HMX1: variants seen among roughly 807,000 people sequenced by gnomAD.
The protein encoded by HMX1 is homeobox protein HMX1.
A neutral mutation model predicts 8.9 loss-of-function variants in HMX1; 8 were observed. The observed-to-expected ratio is 0.90, with a 90% CI of 0.53 to 1.63. The LOEUF is 1.63. HMX1 is among the 40% of genes most tolerant of loss of function. The pLI is 0.00. For synonymous variants in HMX1, 311 were observed against 283.4 expected (o/e 1.10, Z -0.98); for missense variants, 621 against 558.5 (o/e 1.11, Z -1.13).
chr4:8,868,237 G>C lies in HMX1; in HGVS notation c.503C>G (p.Ala168Gly). 1.4e-6 allele frequency: 2 copies of C among 1,434,346 alleles called. No homozygotes were observed. Among genetic ancestry groups the C allele is most frequent in the South Asian group, 2.8e-5 (2 of 70,590 alleles). 88.9% of individuals were successfully genotyped at this position (1,434,346 alleles called of 1,614,324 possible). ...GAVQREAAEL[A>G]ARGPAAGTEE... ...CGTGCCGGCCGCCGGGCCACGCGCC[G>C]CCAGCTCCGCTGCCTCCCGCTGCAC... The change falls in exon 2 of 2, where the codon GCG (alanine) becomes GGG (glycine). Residue 168 changes from alanine (A) to glycine (G), a missense_variant. Transcript: ENST00000400677. This position sits in a 1 kb window ranked among gnomAD's most constrained non-coding sequence, Gnocchi z 4.6.
chr4:8,864,060 T>C (rs1406132563), downstream of HMX1, among the ~76,000 whole-genome samples: 1 of 152,128 alleles, frequency 6.6e-6, no homozygotes, highest in Non-Finnish European at 1.5e-5. Context: ...GATTCAGCTT[T>C]TATAGTCCCA....
At position 8,871,015 on chromosome 4, in the gene HMX1, G is replaced by A. The variant is rs374211762; in HGVS notation, c.394+206C>T. ...AAGCTATGGCCTGCAAAACCTCCTC[G>A]TTAGCGGAGCTCCTGCCCCAGAGGG... On this transcript the variant is annotated intron_variant, in intron 1 of 1. Coordinates refer to ENST00000400677, the MANE Select transcript of HMX1 (RefSeq NM_018942.3). The surrounding 1 kb of genome is among the most constrained non-coding windows in gnomAD (Gnocchi z 4.8). Among the ~76,000 whole-genome samples, 1 of 152,088 alleles carries A rather than the reference G, an allele frequency of 6.6e-6. No homozygotes were observed. The highest frequency in any genetic ancestry group is 1.5e-5 in the Non-Finnish European group (1 of 68,024).
Position 8,867,372 on chromosome 4 carries a change from G to T in HMX1, c.*321C>A. 1.9e-6 allele frequency: 2 copies of T among 1,037,470 alleles called. No individual in the cohort carries two copies. The highest frequency in any genetic ancestry group is 2.3e-6 in the Non-Finnish European group (2 of 864,490). The allele number at this position is 1,037,470 out of a possible 1,614,324, so 64.3% of individuals were successfully genotyped here. A position where few individuals can be genotyped will look rare whatever the true frequency, so the allele number is the denominator to read the frequency against. The stretch of plus-strand genomic sequence containing the variant: ...GGCTTGGCCTGAGGGCAGCTGCCCC[G>T]GGTGGCCATGGCCGACCGCTCCTCG... On this transcript the variant is annotated 3_prime_UTR_variant, in exon 2 of 2. Coordinates refer to ENST00000400677, the MANE Select transcript of HMX1 (RefSeq NM_018942.3).
rs770087148 is a variant in HMX1 at position 8,868,657 on chromosome 4, C to G, written c.395-312G>C. Among the ~76,000 whole-genome samples the G allele has an allele frequency of 1.2e-4, 18 of 152,132 alleles. No individual in the cohort carries two copies. The highest frequency in any genetic ancestry group is 4.4e-5 in the Non-Finnish European group (3 of 68,016). ...AGAGCAAAGAAAAGAAACAAAAATA[C>G]TACACAAGAAAAGCAGGCTGACCCC... On this transcript the variant is annotated intron_variant, in intron 1 of 1. Transcript: ENST00000400677. The surrounding 1 kb of genome is among the most constrained non-coding windows in gnomAD (Gnocchi z 4.6).
chr4:8,850,199 A>G (rs1721402737), intron 1 of HMX1, among the ~76,000 whole-genome samples: 1 of 152,010 alleles, frequency 6.6e-6, no homozygotes, highest in African/African-American at 2.4e-5. Context: ...GTTCCCGGAA[A>G]CCCAGGTTCA....
rs1164620897 is a variant in HMX1, at chr4:8,867,807, G to T, written c.933C>A (p.Pro311=). ...TLPFPLAPAA[P]APPPPLLGFS... is the part of the protein sequence containing the mutation. ...AGCCGAGCAGCGGTGGGGGCGGCGCGGGCGCGGCGGGCGCCAGCGGGAAGG... is the reference window on the plus strand; with the variant it reads ...AGCCGAGCAGCGGTGGGGGCGGCGCTGGCGCGGCGGGCGCCAGCGGGAAGG... The change falls in exon 2 of 2, where the codon CCC becomes CCA. Residue 311 remains proline (P), a synonymous_variant. Coordinates refer to ENST00000400677, the MANE Select transcript of HMX1 (RefSeq NM_018942.3). 1 of 1,226,366 alleles carries T rather than the reference G, an allele frequency of 8.2e-7. No homozygotes were observed. The highest frequency in any genetic ancestry group is 1.0e-6 in the Non-Finnish European group (1 of 986,778). 76.0% of individuals were successfully genotyped at this position (1,226,366 alleles called of 1,614,324 possible). A position where few individuals can be genotyped will look rare whatever the true frequency, so the allele number is the denominator to read the frequency against.
chr4:8,864,321 G>C (rs147694264), downstream of HMX1, among the ~76,000 whole-genome samples: 49 of 152,290 alleles, frequency 3.2e-4, no homozygotes, highest in African/African-American at 1.2e-3. Flanking sequence ...AGGATGTCCA[G>C]AGCCCGCTGC....
chr4:8,854,758 C>A (rs1313862460), intron 1 of HMX1, among the ~76,000 whole-genome samples: 1 of 152,216 alleles, frequency 6.6e-6, no homozygotes, highest in East Asian at 1.9e-4. Context: ...TTCCTAAGAA[C>A]AATACGAAGA....
chr4:8,850,265 C>T (rs1164532237), intron 1 of HMX1, among the ~76,000 whole-genome samples: 2 of 152,152 alleles, frequency 1.3e-5, no homozygotes, highest in South Asian at 4.1e-4. Context: ...TGCCCGTGCC[C>T]GCCTGCCTGT....
chr4:8,856,005 C>A (rs1280969118), intron 1 of HMX1, among the ~76,000 whole-genome samples: 1 of 152,148 alleles, frequency 6.6e-6, no homozygotes, highest in Non-Finnish European at 1.5e-5. Flanking sequence ...GACAGATGAA[C>A]AACAGGACCA....
chr4:8,862,975 G>T (rs1050567729), downstream of HMX1, among the ~76,000 whole-genome samples: 2 of 152,208 alleles, frequency 1.3e-5, no homozygotes, highest in Non-Finnish European at 2.9e-5. Context: ...CTCCAGGGCA[G>T]TCATTCATTG....
At chr4:8,857,489 C>T (rs1222813816) in intron 1 of HMX1, among the ~76,000 whole-genome samples, 1 of 152,122 alleles carries the variant, frequency 6.6e-6, no homozygotes, top group African/African-American at 2.4e-5. Flanking sequence ...CCCGAGTTTC[C>T]GCACCCGGTG....
In HMX1 at chr4:8,867,406, G is replaced by T; in HGVS notation, c.*287C>A. On this transcript the variant is annotated 3_prime_UTR_variant, in exon 2 of 2. Coordinates refer to ENST00000400677, the MANE Select transcript of HMX1 (RefSeq NM_018942.3). ...TGGCCGACCGCTCCTCGCTGAGGCC[G>T]GGGGGTGGCCGTGGCGCCGGGGGCT... is the stretch of plus-strand genomic sequence containing the variant. 8.4e-6 allele frequency: 9 copies of T among 1,066,148 alleles called. No individual in the cohort carries two copies. The highest frequency in any genetic ancestry group is 1.0e-5 in the Non-Finnish European group (9 of 886,880). 66.0% of individuals were successfully genotyped at this position (1,066,148 alleles called of 1,614,324 possible). A position where few individuals can be genotyped will look rare whatever the true frequency, so the allele number is the denominator to read the frequency against.
chr4:8,868,448 G>A lies in HMX1; in HGVS notation c.395-103C>T, dbSNP rs1009160564. The A allele has an allele frequency of 1.3e-5, 12 of 913,918 alleles. No individual in the cohort carries two copies. Among genetic ancestry groups the A allele is most frequent in the Non-Finnish European group, 1.7e-5 (12 of 692,216 alleles). 56.6% of individuals were successfully genotyped at this position (913,918 alleles called of 1,614,324 possible). On this transcript the variant is annotated intron_variant, in intron 1 of 1. Coordinates refer to ENST00000400677, the MANE Select transcript of HMX1 (RefSeq NM_018942.3). The surrounding 1 kb of genome is among the most constrained non-coding windows in gnomAD (Gnocchi z 4.6). Reference sequence around the variant, plus strand: ...ACCTTGAGGTCGCTCACAGCCACAAGCAGGAAGACCTTCCAGCACAGGGCT... The same window carrying A: ...ACCTTGAGGTCGCTCACAGCCACAAACAGGAAGACCTTCCAGCACAGGGCT...
Position 8,867,873 on chromosome 4 carries a change from GC to G in HMX1, c.866del (p.Ser289ThrfsTer121). 7.9e-7 allele frequency: 1 copy of G among 1,273,436 alleles called. No homozygotes were observed. The highest frequency in any genetic ancestry group is 9.9e-7 in the Non-Finnish European group (1 of 1,011,514). The allele number at this position is 1,273,436 out of a possible 1,614,324, so 78.9% of individuals were successfully genotyped here. A position where few individuals can be genotyped will look rare whatever the true frequency, so the allele number is the denominator to read the frequency against. ...LVRVPVLYHE[S>X]PPAAAAAGPP... ...GCCCAGCGGCGGCTGCGGCCGGGGG[GC>G]TTTCGTGGTAGAGCACCGGCACGCG... On this transcript the variant is annotated frameshift_variant, in exon 2 of 2. Coordinates refer to ENST00000400677, the MANE Select transcript of HMX1 (RefSeq NM_018942.3). LOFTEE classifies it low-confidence loss of function (END_TRUNC).
chr4:8,862,552 A>G (rs1205093724), downstream of HMX1, among the ~76,000 whole-genome samples: 1 of 152,214 alleles, frequency 6.6e-6, no homozygotes, highest in Non-Finnish European at 1.5e-5. Context: ...TAAAGCAAAC[A>G]CAGACACATT....
chr4:8,856,349 T>C (rs1251623501), intron 1 of HMX1, among the ~76,000 whole-genome samples: 1 of 152,178 alleles, frequency 6.6e-6, no homozygotes, highest in Non-Finnish European at 1.5e-5. Context: ...TTGACAGCTG[T>C]GTCCTCCGGT....
downstream of HMX1, among the ~76,000 whole-genome samples, chr4:8,864,513 G>A (rs1376974816): frequency 6.6e-6 from 1 of 152,218 alleles, no homozygotes; most frequent in Admixed American, 6.5e-5. Context: ...GAGCCAACGC[G>A]CTCGAGGTGC....
chr4:8,863,957 T>G (rs985287853), downstream of HMX1, among the ~76,000 whole-genome samples: 1 of 152,230 alleles, frequency 6.6e-6, no homozygotes, highest in African/African-American at 2.4e-5. Context: ...CCTGGTGCTC[T>G]GGGTATGGAC....
Sources: gnomAD v4.1 joint callset for allele counts (sites outside exome capture counted in the v4.1 genomes callset) on GRCh38, gnomAD v4.1.1 for gene constraint, Gnocchi (gnomAD v3.1) non-coding constraint, MANE v1.5 for transcripts, NCBI Gene and HGNC (gene_info 2026-07-23, HGNC 2026-07-21) for gene names.